AGAP9: variants seen among roughly 807,000 people sequenced by gnomAD.
The protein encoded by AGAP9 is arf-GAP with GTPase, ANK repeat and PH domain-containing protein 9.
In AGAP9, 23 loss-of-function variants were observed where a neutral mutation model predicts 55.6. The observed-to-expected ratio is 0.41, with a 90% CI of 0.30 to 0.59. The LOEUF (loss-of-function observed/expected upper bound fraction) is 0.59, where lower values mean the gene tolerates loss of function less well. Ranked by LOEUF, AGAP9 falls within the 20% of genes least tolerant of loss-of-function variation. The pLI is 0.25. For missense variants in AGAP9, 309 were observed against 808.1 expected (o/e 0.38, Z 7.49); for synonymous variants, 120 against 305.0 (o/e 0.39, Z 6.32).
chr10:47,518,462 A>G (rs2132495562), intron 3 of AGAP9, among the ~76,000 whole-genome samples: 1 of 129,910 alleles, frequency 7.7e-6, no homozygotes, highest in African/African-American at 3.1e-5. Flanking sequence ...CCTAGGCTCG[A>G]GTGCAGTGGT....
rs1473086372 is a variant in AGAP9, at chr10:47,511,005, G to A, written c.397-734C>T. Among the ~76,000 whole-genome samples the A allele has an allele frequency of 3.9e-5, 5 of 127,036 alleles. 1 individual carries two copies. Among genetic ancestry groups the A allele is most frequent in the East Asian group, 7.2e-4 (2 of 2,772 alleles). The allele number at this position is 127,036 out of a possible 152,430, so 83.3% of individuals were successfully genotyped here. On this transcript the variant is annotated intron_variant, in intron 4 of 7. Coordinates refer to ENST00000452145, the MANE Select transcript of AGAP9 (RefSeq NM_001190810.1). ...GTAGCCCAGGCTGGAGTGCAGTGGC[G>A]CGATCTCGGCTCACTGCAAGCTCCG...
chr10:47,503,286 G>A lies in AGAP9; in HGVS notation c.843C>T (p.Ala281=). ...AGAGCATGCCCTGTTTAATGGGGAT[G>A]GCTCTGCCGCTCCCGATGGTGTCAG... ...NHADTIGSGR[A]IPIKQGMLLK... The change falls in exon 8 of 8, where the codon GCC becomes GCT. Residue 281 remains alanine (A), a synonymous_variant. Transcript: ENST00000452145. 1 of 1,580,964 alleles carries A rather than the reference G, an allele frequency of 6.3e-7. No homozygotes were observed. Among genetic ancestry groups the A allele is most frequent in the Non-Finnish European group, 8.6e-7 (1 of 1,161,392 alleles).
In AGAP9 at chr10:47,502,657, C is replaced by A. The variant is rs1840379138; in HGVS notation, c.1472G>T (p.Ser491Ile). The A allele has an allele frequency of 6.2e-7, 1 of 1,608,268 alleles. No individual in the cohort carries two copies. The highest frequency in any genetic ancestry group is 8.5e-7 in the Non-Finnish European group (1 of 1,178,590). The part of the protein sequence containing the change: ...DCETQNPKWA[S>I]LNLGVLMCIE... Reference sequence around the variant, plus strand: ...ACACATGAGGACTCCCAAGTTCAAACTGGCCCACTTAGGATTCTGGGTCTC... The same window carrying A: ...ACACATGAGGACTCCCAAGTTCAAAATGGCCCACTTAGGATTCTGGGTCTC... Residue 491 changes from serine (S) to isoleucine (I), a missense_variant, in exon 8 of 8, where the codon AGT (serine) becomes ATT (isoleucine). Ser to Ile is a moderately radical substitution (Grantham distance 142). Transcript: ENST00000452145.
Position 47,502,196 on chromosome 10 carries a change from C to A in AGAP9, c.1933G>T (p.Gly645Trp). The change falls in exon 8 of 8, where the codon GGG (glycine) becomes TGG (tryptophan). Residue 645 changes from glycine (G) to tryptophan (W), a missense_variant. Physicochemically the swap from Gly to Trp is radical, Grantham distance 184. Transcript: ENST00000452145. Reference protein sequence around the residue: ...GNVVLEQLLTGWTSWPEMPTG... With the variant: ...GNVVLEQLLTWWTSWPEMPTG... ...GGCATCTCGGGCCATGACGTCCACCCCGTCAGGAGCTGCTCCAGGACCACA... is the reference window on the plus strand; with the variant it reads ...GGCATCTCGGGCCATGACGTCCACCACGTCAGGAGCTGCTCCAGGACCACA... 1 of 1,540,868 alleles carries A rather than the reference C, an allele frequency of 6.5e-7. No individual in the cohort carries two copies. The highest frequency in any genetic ancestry group is 8.8e-7 in the Non-Finnish European group (1 of 1,141,770).
At chr10:47,504,846 CT>C (rs59529030) in intron 6 of AGAP9, among the ~76,000 whole-genome samples, 18 of 46,840 alleles carry the variant, frequency 3.8e-4, no homozygotes, top group Admixed American at 7.1e-4. Flanking sequence ...CATAACTGTT[CT>C]TTTTTTTTTT....
intron 4 of AGAP9, among the ~76,000 whole-genome samples, chr10:47,510,947 T>A (rs1442550449): frequency 2.5e-4 from 34 of 133,574 alleles, no homozygotes; most frequent in African/African-American, 6.0e-4. Context: ...TTTATTTATT[T>A]ATTTATTTAT....
chr10:47,508,016 T>C (rs1166115754), intron 5 of AGAP9, among the ~76,000 whole-genome samples: 1 of 125,890 alleles, frequency 7.9e-6, no homozygotes, highest in Non-Finnish European at 1.7e-5. Context: ...CGCCTCAGCC[T>C]CCCAAGAAGC....
rs1379657478 is a variant in AGAP9, at chr10:47,503,076, G to A, written c.1053C>T (p.Ala351=). 248 of 1,611,518 alleles carry A rather than the reference G, an allele frequency of 1.5e-4. No individual in the cohort carries two copies. In the Middle Eastern group the frequency reaches 2.8e-3, roughly 19 times the overall value. Residue 351 remains alanine, a synonymous_variant, in exon 8 of 8, where the codon GCC becomes GCT. Transcript: ENST00000452145. ...PGKWPSLATS[A]CAPISSSKSN... Reference sequence around the variant, plus strand: ...TTTTAGAGCTGGAGATGGGTGCACAGGCTGATGTGGCTAGGGATGGCCACT... The same window carrying A: ...TTTTAGAGCTGGAGATGGGTGCACAAGCTGATGTGGCTAGGGATGGCCACT...
intron 4 of AGAP9, among the ~76,000 whole-genome samples, chr10:47,514,058 G>A (rs1442062316): frequency 7.1e-6 from 1 of 141,808 alleles, no homozygotes; most frequent in Non-Finnish European, 1.5e-5. Flanking sequence ...CTTCTGCACA[G>A]GAAAAGGAAC....
intron 6 of AGAP9, among the ~76,000 whole-genome samples, chr10:47,507,108 CT>C (rs1235984183): frequency 2.2e-5 from 3 of 138,964 alleles, no homozygotes; most frequent in Non-Finnish European, 4.7e-5. Context: ...GTTAACAATA[CT>C]GTTCTCAAGG....
chr10:47,503,937 C>CAAAAAAAAAAAA (rs1186798630), intron 7 of AGAP9, among the ~76,000 whole-genome samples: 6 of 23,438 alleles, frequency 2.6e-4, no homozygotes, highest in African/African-American at 4.2e-4. Flanking sequence ...GAGAGTCCAT[C>CAAAAAAAAAAAA]AAAAAAAAAA....
At chr10:47,513,179 T>C (rs1404410352) in intron 4 of AGAP9, among the ~76,000 whole-genome samples, 5 of 149,680 alleles carry the variant, frequency 3.3e-5, no homozygotes, top group Admixed American at 2.7e-4. Context: ...GGATAACAGG[T>C]GAGCGCCACC....
intron 4 of AGAP9, among the ~76,000 whole-genome samples, chr10:47,516,818 C>G (rs1462336488): frequency 7.7e-6 from 1 of 129,222 alleles, no homozygotes; most frequent in African/African-American, 3.6e-5. Flanking sequence ...AGAAAATAGG[C>G]AAATGAATAT....
intron 4 of AGAP9, among the ~76,000 whole-genome samples, chr10:47,516,538 C>A (rs1279828003): frequency 7.3e-6 from 1 of 136,282 alleles, no homozygotes; most frequent in Non-Finnish European, 1.5e-5. Context: ...GATAACAGGA[C>A]AGAAGGAAAC....
At position 47,509,158 on chromosome 10, in the gene AGAP9, T is replaced by C. The variant is rs1341598920; in HGVS notation, c.497+1013A>G. On this transcript the variant is annotated intron_variant, in intron 5 of 7. Transcript: ENST00000452145. ...AAAATTAGTTTCAGCAAAATTAATC[T>C]TCAAAGCTGCTTTTGAATTATATGC... 8.2e-5 allele frequency among the ~76,000 whole-genome samples: 11 copies of C among 134,112 alleles called. 3 individuals carry two copies. Among genetic ancestry groups the C allele is most frequent in the Non-Finnish European group, 1.4e-4 (9 of 64,888 alleles). 88.0% of individuals were successfully genotyped at this position (134,112 alleles called of 152,430 possible).
intron 4 of AGAP9, among the ~76,000 whole-genome samples, chr10:47,516,271 C>G (rs1840714003): frequency 1.2e-5 from 1 of 83,038 alleles, no homozygotes; most frequent in African/African-American, 5.1e-5. Flanking sequence ...TGAAAAGATC[C>G]CCAACAAGCT....
chr10:47,503,495 T>C lies in AGAP9; in HGVS notation c.634A>G (p.Asn212Asp), dbSNP rs1555224939. 2.5e-6 allele frequency: 4 copies of C among 1,607,492 alleles called. No individual in the cohort carries two copies. The Admixed American group carries it at 5.0e-5, about 20-fold the overall frequency. ...MKKRNGGGSL[N>D]NYSSSIPPTP... ...GGTGGAATGGAGGAGGAATAGTTAT[T>C]TAAACTCCCACCTCCATTTCTTTTC... The change falls in exon 8 of 8, where the codon AAT becomes GAT. Residue 212 changes from asparagine to aspartate, a missense_variant. Physicochemically the swap from Asn to Asp is conservative, Grantham distance 23. Coordinates refer to ENST00000452145, the MANE Select transcript of AGAP9 (RefSeq NM_001190810.1).
chr10:47,510,047 G>C (rs1840571592), intron 5 of AGAP9, 124 bp downstream of exon 5: 1 of 1,496,456 alleles, frequency 6.7e-7, no homozygotes, highest in Non-Finnish European at 8.9e-7. Flanking sequence ...TTAATATTCA[G>C]AATCTGAATA....
rs1458737797 is a variant in AGAP9, at chr10:47,506,724, C to T, written c.533+824G>A. 3.6e-3 allele frequency among the ~76,000 whole-genome samples: 527 copies of T among 144,522 alleles called. 34 individuals carry two copies. Among genetic ancestry groups the T allele is most frequent in the Non-Finnish European group, 5.8e-3 (379 of 65,714 alleles). The allele number at this position is 144,522 out of a possible 152,430, so 94.8% of individuals were successfully genotyped here. On this transcript the variant is annotated intron_variant, in intron 6 of 7. Coordinates refer to ENST00000452145, the MANE Select transcript of AGAP9 (RefSeq NM_001190810.1). ...GCACGATCTCAGCTCTCTGCAACCT[C>T]CGCCTCCCAAGTTCAAGCGGTTCTC... is the stretch of plus-strand genomic sequence containing the variant.
Sources: gnomAD v4.1 joint callset for allele counts (sites outside exome capture counted in the v4.1 genomes callset) on GRCh38, gnomAD v4.1.1 for gene constraint, MANE v1.5 for transcripts, NCBI Gene and HGNC (gene_info 2026-07-23, HGNC 2026-07-21) for gene names.